Variants in PRKG2 observed in about 807,000 individuals in gnomAD.
The protein encoded by PRKG2 is protein kinase cGMP-dependent 2, also known as cGMP-dependent protein kinase 2.
A neutral mutation model predicts 97.2 loss-of-function variants in PRKG2; 33 were observed. The observed-to-expected ratio is 0.34, with a 90% CI of 0.26 to 0.45. The LOEUF is 0.45. PRKG2 is among the 20% of genes least tolerant of loss of function. PRKG2 has a pLI of 1.00. For missense variants in PRKG2, 638 were observed against 900.0 expected, an observed-to-expected ratio of 0.71 and a Z score of 3.73; for synonymous variants, 330 against 321.8, an observed-to-expected ratio of 1.03 and a Z score of -0.27.
chr4:81,217,031 G>GTATATGTA (rs1553933204), upstream of PRKG2, among the ~76,000 whole-genome samples: 1 of 115,296 alleles, frequency 8.7e-6, no homozygotes, highest in Non-Finnish European at 1.7e-5. Context: ...TATATATTTT[G>GTATATGTA]TATATATATA....
chr4:81,214,950 A>G lies in PRKG2; in HGVS notation c.-28T>C, dbSNP rs1478971559. ...ACGAACCTCACCAGACAGCCGGGTA[A>G]CTTTCCAGGTGCGCAGCTTGTCACC... is the stretch of plus-strand genomic sequence containing the variant. On this transcript the variant is annotated 5_prime_UTR_variant, in exon 1 of 19. Transcript: ENST00000264399. The G allele has an allele frequency of 6.6e-6, 1 of 152,260 alleles. No homozygotes were observed. The highest frequency in any genetic ancestry group is 1.5e-5 in the Non-Finnish European group (1 of 68,068). 9.4% of individuals were successfully genotyped at this position (152,260 alleles called of 1,614,324 possible).
chr4:81,187,905 A>G (rs1274004412), intron 2 of PRKG2, among the ~76,000 whole-genome samples: 1 of 152,142 alleles, frequency 6.6e-6, no homozygotes, highest in African/African-American at 2.4e-5. Context: ...GTTAGACCTA[A>G]AACCATAAAA....
chr4:81,096,110 G>T (rs1017533956), intron 17 of PRKG2, among the ~76,000 whole-genome samples: 1 of 152,190 alleles, frequency 6.6e-6, no homozygotes, highest in East Asian at 1.9e-4. Flanking sequence ...GTCGCTGAAG[G>T]TTGGAGAGGC....
chr4:81,139,425 C>G (rs1030015549), intron 12 of PRKG2, among the ~76,000 whole-genome samples: 1 of 152,030 alleles, frequency 6.6e-6, no homozygotes, highest in Non-Finnish European at 1.5e-5. Flanking sequence ...CACACATACT[C>G]AAACACACAT....
At position 81,099,331 on chromosome 4, in the gene PRKG2, G is replaced by A. The variant is rs574905695; in HGVS notation, c.2126+5039C>T. ...ATCCTCAATAAAATACTGGCAAACC[G>A]AATCCAGCAGCACATCAAAAAGCTT... On this transcript the variant is annotated intron_variant, in intron 17 of 18. Transcript: ENST00000264399. Among the ~76,000 whole-genome samples, 26 of 152,144 alleles carry A rather than the reference G, an allele frequency of 1.7e-4. No individual in the cohort carries two copies. In the South Asian group the frequency reaches 2.5e-3, roughly 15 times the overall value.
intron 2 of PRKG2, among the ~76,000 whole-genome samples, chr4:81,182,105 G>A (rs911902180): frequency 5.9e-5 from 9 of 151,548 alleles, no homozygotes; most frequent in African/African-American, 9.7e-5. Flanking sequence ...AATTTTTCCC[G>A]ATTCATTTTA....
At chr4:81,093,320 TC>T (rs1402597788) in intron 17 of PRKG2, among the ~76,000 whole-genome samples, 7 of 150,560 alleles carry the variant, frequency 4.6e-5, no homozygotes, top group African/African-American at 1.7e-4. Context: ...AGTGAGATCT[TC>T]CTTGGCCATC....
intron 18 of PRKG2, among the ~76,000 whole-genome samples, 178 bp from the exon 19 acceptor site, chr4:81,089,981 C>A (rs530044226): frequency 6.6e-6 from 1 of 152,290 alleles, no homozygotes; most frequent in East Asian, 1.9e-4. Flanking sequence ...CTCATGAGAT[C>A]TTCTCTTTAC....
intron 1 of PRKG2, among the ~76,000 whole-genome samples, chr4:81,209,201 G>A (rs1407486733): frequency 6.6e-6 from 1 of 152,230 alleles, no homozygotes; most frequent in Non-Finnish European, 1.5e-5. Context: ...AAGTGACTGT[G>A]AAGGCGCTTG....
intron 1 of PRKG2, among the ~76,000 whole-genome samples, chr4:81,211,647 G>C (rs1232187563): frequency 6.6e-6 from 1 of 152,132 alleles, no homozygotes; most frequent in Non-Finnish European, 1.5e-5. Flanking sequence ...AGATACTATT[G>C]CACCAATCCA....
At chr4:81,166,798 A>T (rs1232021567) in intron 6 of PRKG2, among the ~76,000 whole-genome samples, 2 of 152,238 alleles carry the variant, frequency 1.3e-5, no homozygotes, top group East Asian at 3.9e-4. Flanking sequence ...TTAATTATAC[A>T]TCAGTGACTC....
At chr4:81,178,961 C>T (rs1191961916) in intron 2 of PRKG2, among the ~76,000 whole-genome samples, 3 of 151,790 alleles carry the variant, frequency 2.0e-5, no homozygotes, top group African/African-American at 7.3e-5. Flanking sequence ...TCCATCTCTA[C>T]TAAAAATACA....
chr4:81,195,718 G>C lies in PRKG2; in HGVS notation c.461+8869C>G, dbSNP rs542481232. On this transcript the variant is annotated intron_variant, in intron 2 of 18. Coordinates refer to ENST00000264399, the MANE Select transcript of PRKG2 (RefSeq NM_006259.3). The stretch of plus-strand genomic sequence containing the variant: ...TGTGTCAGAGTTCCTCTGTAAGGCT[G>C]AATAATATCCCATTGCATGTATATA... 2.6e-5 allele frequency among the ~76,000 whole-genome samples: 4 copies of C among 152,312 alleles called. No individual in the cohort carries two copies. In the South Asian group the frequency reaches 8.3e-4, roughly 32 times the overall value.
chr4:81,091,258 A>T (rs1741501248), intron 18 of PRKG2, among the ~76,000 whole-genome samples: 1 of 151,926 alleles, frequency 6.6e-6, no homozygotes, highest in South Asian at 2.1e-4. Flanking sequence ...AAAGGAATGA[A>T]GTAACAGTAG....
intron 5 of PRKG2, among the ~76,000 whole-genome samples, chr4:81,167,844 G>A (rs17005072): frequency 0.011 from 1,577 of 150,144 alleles, 27 homozygotes; most frequent in African/African-American, 0.036. Context: ...ACTTCAGAAC[G>A]CAGATACTCT....
At chr4:81,142,497 T>C (rs748211096) in intron 11 of PRKG2, among the ~76,000 whole-genome samples, 2 of 152,210 alleles carry the variant, frequency 1.3e-5, no homozygotes, top group Admixed American at 6.5e-5. Context: ...AGAAAATACA[T>C]TATTTTATGT....
upstream of PRKG2, among the ~76,000 whole-genome samples, chr4:81,217,196 G>A (rs894441744): frequency 2.6e-5 from 4 of 151,684 alleles, no homozygotes; most frequent in Admixed American, 6.6e-5. Flanking sequence ...TTTAAACAAT[G>A]GGTTGCTAAT....
intron 12 of PRKG2, among the ~76,000 whole-genome samples, chr4:81,138,250 C>G (rs10027844): frequency 1.3e-5 from 2 of 152,164 alleles, no homozygotes; most frequent in Non-Finnish European, 2.9e-5. Flanking sequence ...CGAAGCGGGA[C>G]GTAGGCAGGG....
At chr4:81,199,314 G>A (rs887100388) in intron 2 of PRKG2, among the ~76,000 whole-genome samples, 1 of 152,004 alleles carries the variant, frequency 6.6e-6, no homozygotes, top group African/African-American at 2.4e-5. Context: ...ATAGCAGGGA[G>A]ATTTTTCTAA....
Sources: gnomAD v4.1 joint callset for allele counts (sites outside exome capture counted in the v4.1 genomes callset) on GRCh38, gnomAD v4.1.1 for gene constraint, MANE v1.5 for transcripts, NCBI Gene and HGNC (gene_info 2026-07-23, HGNC 2026-07-21) for gene names.